Variants in VWDE observed in about 807,000 individuals in gnomAD.
VWDE encodes von Willebrand factor D and EGF domain-containing protein.
In VWDE, 207 loss-of-function variants were observed where a neutral mutation model predicts 178.4. The ratio of observed to expected loss-of-function variants is 1.16; its 90% CI spans 1.04 to 1.30. The LOEUF (loss-of-function observed/expected upper bound fraction) is 1.30. VWDE is among the 50% of genes most tolerant of loss of function. VWDE has a pLI of 0.00. For missense variants in VWDE, 2,287 were observed against 1,901.3 expected (o/e 1.20, Z -3.77); for synonymous variants, 738 against 651.4 (o/e 1.13, Z -2.02).
chr7:12,333,007 T>C (rs1780812074), intron 28 of VWDE, among the ~76,000 whole-genome samples: 1 of 152,220 alleles, frequency 6.6e-6, no homozygotes, highest in Non-Finnish European at 1.5e-5. Context: ...TTATTAGAAC[T>C]ACCCTTGTGT....
chr7:12,343,168 G>T lies in VWDE; in HGVS notation c.4089C>A (p.Asn1363Lys). ...GGATCDEEHCNPPCQHGGTCL... is the reference protein window; with the variant it reads ...GGATCDEEHCKPPCQHGGTCL... ...ATGTGCCACCATGTTGACAAGGTGG[G>T]TTACAATGTTCTGCAGAAACAGATT... is the stretch of plus-strand genomic sequence containing the variant. The change falls in exon 22 of 29, where the codon AAC (asparagine) becomes AAA (lysine). Residue 1363 changes from asparagine to lysine, a missense_variant. Asn to Lys is a moderately conservative substitution (Grantham distance 94). Coordinates refer to ENST00000275358, the MANE Select transcript of VWDE (RefSeq NM_001135924.3). 1.9e-6 allele frequency: 3 copies of T among 1,547,998 alleles called. No homozygotes were observed. Among genetic ancestry groups the T allele is most frequent in the Admixed American group, 2.0e-5 (1 of 50,890 alleles).
At chr7:12,377,210 A>G (rs1783577199) in intron 7 of VWDE, among the ~76,000 whole-genome samples, 1 of 152,150 alleles carries the variant, frequency 6.6e-6, no homozygotes, top group Non-Finnish European at 1.5e-5. Context: ...TCTTCACTCT[A>G]TCCATTGACA....
chr7:12,396,026 T>G (rs997372026), intron 1 of VWDE, among the ~76,000 whole-genome samples: 6 of 152,174 alleles, frequency 3.9e-5, no homozygotes, highest in African/African-American at 1.4e-4. Flanking sequence ...ATACTTCCAT[T>G]TATCCTTCTT....
intron 13 of VWDE, among the ~76,000 whole-genome samples, chr7:12,364,334 C>G (rs1782744533): frequency 6.6e-6 from 1 of 151,936 alleles, no homozygotes; most frequent in African/African-American, 2.4e-5. Flanking sequence ...TTTAAATGAC[C>G]CTCTTTGATA....
chr7:12,393,820 T>C, intron 1 of VWDE, 42 bp from the exon 2 acceptor site: 1 of 1,473,130 alleles, frequency 6.8e-7, no homozygotes, highest in South Asian at 1.4e-5. Context: ...TGTGTTTTGT[T>C]TGTTGACATA....
At chr7:12,400,257 T>A (rs573369438) in intron 1 of VWDE, among the ~76,000 whole-genome samples, 1 of 151,944 alleles carries the variant, frequency 6.6e-6, no homozygotes, top group Admixed American at 6.5e-5. Flanking sequence ...AGAAAAACAA[T>A]AGAGAAAAAT....
chr7:12,359,450 A>G, intron 16 of VWDE, 128 bp downstream of exon 16: 1 of 581,458 alleles, frequency 1.7e-6, no homozygotes, highest in Non-Finnish European at 3.1e-6. Context: ...TAAATTTTGC[A>G]GTTAGGAGAG....
intron 21 of VWDE, among the ~76,000 whole-genome samples, chr7:12,343,743 C>A (rs566397679): frequency 2.6e-5 from 4 of 152,142 alleles, no homozygotes; most frequent in South Asian, 4.1e-4. Flanking sequence ...AGATTTAAAC[C>A]AAAGCAATGC....
rs112880146 is a variant in VWDE at position 12,377,877 on chromosome 7, T to C, written c.923A>G (p.Tyr308Cys). ...LSTISEDGKE[Y>C]YLRIESTVPI... ...AACTGTGCTTTCTATCCTCAGGTAG[T>C]ATTCTTTCCCATCCTCTGATATAGT... Residue 308 changes from tyrosine (Y) to cysteine (C), a missense_variant, in exon 7 of 29, where the codon TAC (tyrosine) becomes TGC (cysteine). Tyr to Cys is a radical substitution (Grantham distance 194). Transcript: ENST00000275358. 2.0e-3 allele frequency: 3,002 copies of C among 1,522,744 alleles called. 67 individuals carry two copies. The African/African-American group carries it at 0.038, about 19-fold the overall frequency. The allele number at this position is 1,522,744 out of a possible 1,614,324, so 94.3% of individuals were successfully genotyped here.
rs774941410 is a variant in VWDE at position 12,377,953 on chromosome 7, T to A, written c.880-33A>T. 4.0e-5 allele frequency: 53 copies of A among 1,334,762 alleles called. No homozygotes were observed. In the African/African-American group the frequency reaches 7.9e-4, roughly 20 times the overall value. The allele number at this position is 1,334,762 out of a possible 1,614,324, so 82.7% of individuals were successfully genotyped here. A position where few individuals can be genotyped will look rare whatever the true frequency, so the allele number is the denominator to read the frequency against. ...AAGAAAATACGTAGAAAAATTATGT[T>A]AAAATATAATTTATTTCTAAGGCAC... On this transcript the variant is annotated intron_variant, in intron 6 of 28. Transcript: ENST00000275358.
chr7:12,393,770 A>T lies in VWDE; in HGVS notation c.67T>A (p.Cys23Ser). 6.5e-7 allele frequency: 1 copy of T among 1,546,372 alleles called. No individual in the cohort carries two copies. Among genetic ancestry groups the T allele is most frequent in the South Asian group, 1.2e-5 (1 of 82,968 alleles). Residue 23 changes from cysteine to serine, a missense_variant, in exon 2 of 29, where the codon TGC becomes AGC. Coordinates refer to ENST00000275358, the MANE Select transcript of VWDE (RefSeq NM_001135924.3). Reference sequence around the variant, plus strand: ...AGAAACTGGTGTCCCCCAGGAGAGCACTCCTGAGCTAGTATGGAAAGACAG... The same window carrying T: ...AGAAACTGGTGTCCCCCAGGAGAGCTCTCCTGAGCTAGTATGGAAAGACAG... ...MFLAWGEAQE[C>S]SPGGHQFLRS...
At chr7:12,345,858 ATGT>A (rs771562730) in intron 19 of VWDE, among the ~76,000 whole-genome samples, 52 of 152,236 alleles carry the variant, frequency 3.4e-4, no homozygotes, top group South Asian at 1.2e-3. Context: ...TGAGCGGGAG[ATGT>A]TGTTAGTTGT....
Position 12,369,646 on chromosome 7 carries a change from ACT to A in VWDE, c.2658_2659del (p.Val887IlefsTer25), listed in dbSNP as rs1323898708. Reference sequence around the variant, plus strand: ...GCTGCATAAATTGGGGCATTTTAATACTGAGAGAATGTCTTCAATTGATGTGC... The same window carrying A: ...GCTGCATAAATTGGGGCATTTTAATAGAGAGAATGTCTTCAATTGATGTGC... On this transcript the variant is annotated frameshift_variant, in exon 12 of 29. Transcript: ENST00000275358. LOFTEE classifies it high-confidence loss of function. 1.3e-6 allele frequency: 2 copies of A among 1,551,506 alleles called. No homozygotes were observed. Among genetic ancestry groups the A allele is most frequent in the Non-Finnish European group, 1.7e-6 (2 of 1,146,892 alleles).
chr7:12,343,768 A>G (rs538385275), intron 21 of VWDE, among the ~76,000 whole-genome samples: 1 of 152,204 alleles, frequency 6.6e-6, no homozygotes, highest in Non-Finnish European at 1.5e-5. Context: ...ATATGGCTAC[A>G]GATGTATTTT....
chr7:12,367,592 A>G, intron 12 of VWDE, 99 bp from the exon 13 acceptor site: 1 of 1,069,576 alleles, frequency 9.3e-7, no homozygotes, highest in Non-Finnish European at 1.3e-6. Context: ...TATGGAAAAT[A>G]ATATTTTAAA....
At chr7:12,372,898 T>TA (rs1456248528) in intron 10 of VWDE, 79 bp downstream of exon 10, 2 of 1,340,090 alleles carry the variant, frequency 1.5e-6, no homozygotes, top group Non-Finnish European at 1.0e-6. Context: ...TGAAAAATGA[T>TA]AGCTCCTAAT....
intron 13 of VWDE, among the ~76,000 whole-genome samples, chr7:12,361,852 A>G (rs1782597950): frequency 6.6e-6 from 1 of 152,000 alleles, no homozygotes; most frequent in Non-Finnish European, 1.5e-5. Flanking sequence ...CACACAGTGG[A>G]TTGATTTTCT....
At chr7:12,388,294 CAT>C (rs1393013550) in intron 3 of VWDE, among the ~76,000 whole-genome samples, 2 of 152,216 alleles carry the variant, frequency 1.3e-5, no homozygotes, top group East Asian at 3.9e-4. Context: ...TATCAGGAGA[CAT>C]GTGATGTCAA....
intron 6 of VWDE, among the ~76,000 whole-genome samples, chr7:12,378,173 T>C (rs941203911): frequency 2.0e-5 from 3 of 152,128 alleles, no homozygotes; most frequent in Non-Finnish European, 4.4e-5. Context: ...GCAAATCATA[T>C]CCAAGCCTGC....
Sources: gnomAD v4.1 joint callset for allele counts (sites outside exome capture counted in the v4.1 genomes callset) on GRCh38, gnomAD v4.1.1 for gene constraint, MANE v1.5 for transcripts, NCBI Gene and HGNC (gene_info 2026-07-23, HGNC 2026-07-21) for gene names.